TMEM140: variants seen among roughly 807,000 people sequenced by gnomAD.
TMEM140 encodes the protein transmembrane protein 140.
For missense variants in TMEM140, 236 were observed against 228.5 expected (o/e 1.03, Z -0.21); for synonymous variants, 107 against 106.8 (o/e 1.00, Z -0.01).
intron 1 of TMEM140, among the ~76,000 whole-genome samples, chr7:135,154,016 T>C (rs988797947): frequency 6.6e-6 from 1 of 152,190 alleles, no homozygotes; most frequent in Non-Finnish European, 1.5e-5. Flanking sequence ...CACTACTCAT[T>C]ATTGGTCTGT....
Position 135,164,865 on chromosome 7 carries a change from G to A in TMEM140, c.424G>A (p.Val142Ile), listed in dbSNP as rs1328107371. The change falls in exon 2 of 2, where the codon GTC becomes ATC. Residue 142 changes from valine to isoleucine, a missense_variant. Physicochemically the swap from Val to Ile is conservative, Grantham distance 29. Coordinates refer to ENST00000275767, the MANE Select transcript of TMEM140 (RefSeq NM_018295.5). The part of the protein sequence containing the change: ...GLFLSYVWKW[V>I]RLSLPGPGFL... ...CTTCCTCTCCTATGTGTGGAAGTGG[G>A]TCAGGCTCTCCCTCCCGGGGCCTGG... The A allele has an allele frequency of 6.2e-7, 1 of 1,614,202 alleles. No homozygotes were observed. The highest frequency in any genetic ancestry group is 1.7e-5 in the Admixed American group (1 of 60,028).
intron 1 of TMEM140, among the ~76,000 whole-genome samples, chr7:135,152,214 G>A (rs564153047): frequency 2.6e-4 from 40 of 152,364 alleles, no homozygotes; most frequent in Admixed American, 3.9e-4. Context: ...CTGGTGAATG[G>A]AAGAGCAGAG....
At chr7:135,156,686 T>C (rs1046596646) in intron 1 of TMEM140, among the ~76,000 whole-genome samples, 1 of 152,220 alleles carries the variant, frequency 6.6e-6, no homozygotes, top group Non-Finnish European at 1.5e-5. Context: ...AATCAATATT[T>C]TGAATTCTTT....
In TMEM140 at chr7:135,164,890, G is replaced by C. The variant is rs755249689; in HGVS notation, c.449G>C (p.Gly150Ala). ...KWVRLSLPGPGFLALGSAQAL... is the reference protein window; with the variant it reads ...KWVRLSLPGPAFLALGSAQAL... The stretch of plus-strand genomic sequence containing the variant: ...GTCAGGCTCTCCCTCCCGGGGCCTG[G>C]GTTTCTAGCTCTGGGCAGCGCCCAG... The change falls in exon 2 of 2, where the codon GGG (glycine) becomes GCG (alanine). Residue 150 changes from glycine to alanine, a missense_variant. Gly to Ala is a moderately conservative substitution (Grantham distance 60). Coordinates refer to ENST00000275767, the MANE Select transcript of TMEM140 (RefSeq NM_018295.5). 13 of 1,614,110 alleles carry C rather than the reference G, an allele frequency of 8.1e-6. No homozygotes were observed. Among genetic ancestry groups the C allele is most frequent in the Non-Finnish European group, 1.0e-5 (12 of 1,180,044 alleles).
Position 135,165,838 on chromosome 7 carries a change from G to A in TMEM140, c.*839G>A, listed in dbSNP as rs545228341. The A allele has an allele frequency of 6.0e-6, 1 of 167,264 alleles. No individual in the cohort carries two copies. Among genetic ancestry groups the A allele is most frequent in the South Asian group, 2.1e-4 (1 of 4,834 alleles). 10.4% of individuals were successfully genotyped at this position (167,264 alleles called of 1,614,324 possible). A position where few individuals can be genotyped will look rare whatever the true frequency, so the allele number is the denominator to read the frequency against. On this transcript the variant is annotated 3_prime_UTR_variant, in exon 2 of 2. Transcript: ENST00000275767. ...ACTTGTGTATTGGAAAACCTGTATG[G>A]CAGTGATTTATTCATATATTCCTGT...
Position 135,161,656 on chromosome 7 carries a change from G to A in TMEM140, c.-24-2762G>A, listed in dbSNP as rs1398291812. On this transcript the variant is annotated intron_variant, in intron 1 of 1. Transcript: ENST00000275767. The surrounding 1 kb of genome is among the most constrained non-coding windows in gnomAD (Gnocchi z 4.1). ...ATGGTTAAAACTCCTTATCATCCCA[G>A]ACTAATGCCACCTTTTCAATTCCCA... is the stretch of plus-strand genomic sequence containing the variant. 6.6e-6 allele frequency among the ~76,000 whole-genome samples: 1 copy of A among 152,170 alleles called. No individual in the cohort carries two copies. Among genetic ancestry groups the A allele is most frequent in the Non-Finnish European group, 1.5e-5 (1 of 68,022 alleles).
intron 1 of TMEM140, among the ~76,000 whole-genome samples, chr7:135,156,513 T>C (rs1000510741): frequency 6.6e-6 from 1 of 152,026 alleles, no homozygotes; most frequent in South Asian, 2.1e-4. Flanking sequence ...TTTGAGCATA[T>C]GGTGTATTTC....
chr7:135,162,271 C>T (rs1194011976), intron 1 of TMEM140, among the ~76,000 whole-genome samples: 1 of 152,176 alleles, frequency 6.6e-6, no homozygotes, highest in Non-Finnish European at 1.5e-5. Flanking sequence ...AGGTCCCTTC[C>T]CAGGGCCACG....
In TMEM140 at chr7:135,164,551, G is replaced by T. The variant is rs144887157; in HGVS notation, c.110G>T (p.Gly37Val). Reference protein sequence around the residue: ...LMFYALLWEAGNLTDLPNLRI... With the variant: ...LMFYALLWEAVNLTDLPNLRI... ...TTTTACGCTCTTCTCTGGGAGGCTG[G>T]CAACCTCACTGACCTGCCCAACCTG... Residue 37 changes from glycine (G) to valine (V), a missense_variant, in exon 2 of 2, where the codon GGC (glycine) becomes GTC (valine). Physicochemically the swap from Gly to Val is moderately radical, Grantham distance 109 (BLOSUM62 -3). Transcript: ENST00000275767. 63 of 1,614,186 alleles carry T rather than the reference G, an allele frequency of 3.9e-5. No individual in the cohort carries two copies. The African/African-American group carries it at 7.9e-4, about 20-fold the overall frequency.
At chr7:135,156,773 T>G (rs879880811) in intron 1 of TMEM140, among the ~76,000 whole-genome samples, 1 of 152,216 alleles carries the variant, frequency 6.6e-6, no homozygotes, top group African/African-American at 2.4e-5. Flanking sequence ...TGATGATTGT[T>G]ACGGTTTGAC....
chr7:135,155,752 G>A (rs1324434977), intron 1 of TMEM140, among the ~76,000 whole-genome samples: 2 of 152,232 alleles, frequency 1.3e-5, no homozygotes, highest in East Asian at 1.9e-4. Context: ...TCAAAAGGCT[G>A]AGGCAGGAAG....
At chr7:135,163,284 G>C (rs142971913) in intron 1 of TMEM140, among the ~76,000 whole-genome samples, 8 of 152,172 alleles carry the variant, frequency 5.3e-5, no homozygotes, top group Admixed American at 2.6e-4. Context: ...AATATTGGTA[G>C]AATATTAACA....
intron 1 of TMEM140, among the ~76,000 whole-genome samples, chr7:135,152,119 A>G (rs1231452241): frequency 1.3e-5 from 2 of 152,236 alleles, no homozygotes; most frequent in Non-Finnish European, 2.9e-5. Context: ...TTTCCATAAC[A>G]TCTACAAAAT....
chr7:135,157,725 C>CT (rs1396884678), intron 1 of TMEM140, among the ~76,000 whole-genome samples: 2 of 152,190 alleles, frequency 1.3e-5, no homozygotes, highest in African/African-American at 4.8e-5. Flanking sequence ...GTTGGGTGAG[C>CT]TACTCCCCAG....
At chr7:135,162,648 G>C (rs553353416) in intron 1 of TMEM140, among the ~76,000 whole-genome samples, 2 of 152,302 alleles carry the variant, frequency 1.3e-5, no homozygotes, top group Admixed American at 6.5e-5. Context: ...CATGAGTACA[G>C]TATGGGGGAA....
chr7:135,159,425 C>T (rs1156865233), intron 1 of TMEM140, among the ~76,000 whole-genome samples: 9 of 152,124 alleles, frequency 5.9e-5, no homozygotes, highest in Non-Finnish European at 1.5e-5. Flanking sequence ...GTGCTTAAAC[C>T]AACAAAAAAG....
In TMEM140 at chr7:135,165,724, C is replaced by CA. The variant is rs1252869015; in HGVS notation, c.*728dup. 1 of 167,138 alleles carries CA rather than the reference C, an allele frequency of 6.0e-6. No homozygotes were observed. The highest frequency in any genetic ancestry group is 1.5e-5 in the Non-Finnish European group (1 of 68,142). The allele number at this position is 167,138 out of a possible 1,614,324, so 10.4% of individuals were successfully genotyped here. A position where few individuals can be genotyped will look rare whatever the true frequency, so the allele number is the denominator to read the frequency against. On this transcript the variant is annotated 3_prime_UTR_variant, in exon 2 of 2. Coordinates refer to ENST00000275767, the MANE Select transcript of TMEM140 (RefSeq NM_018295.5). ...ACAGGACTGGACGGCTGCACACAAA[C>CA]AAACGCTGCCACCCTCCACTTCCCA...
chr7:135,160,850 C>CCA (rs1432668449), intron 1 of TMEM140, among the ~76,000 whole-genome samples: 2 of 152,174 alleles, frequency 1.3e-5, no homozygotes, highest in African/African-American at 4.8e-5. Context: ...TATAGCTAAA[C>CCA]CAGAGTGTGG....
Position 135,165,049 on chromosome 7 carries a change from A to C in TMEM140, c.*50A>C, listed in dbSNP as rs1307282592. 1.3e-6 allele frequency: 2 copies of C among 1,509,000 alleles called. No homozygotes were observed. The allele number at this position is 1,509,000 out of a possible 1,614,324, so 93.5% of individuals were successfully genotyped here. On this transcript the variant is annotated 3_prime_UTR_variant, in exon 2 of 2. Coordinates refer to ENST00000275767, the MANE Select transcript of TMEM140 (RefSeq NM_018295.5). The stretch of plus-strand genomic sequence containing the variant: ...AGTTCCAACCATGGTCAGAGGTGGC[A>C]CATCTGCTCAGCCATCTCATTTTAC...
Sources: allele counts gnomAD v4.1 joint callset (sites outside exome capture counted in the v4.1 genomes callset), GRCh38; gene constraint gnomAD v4.1.1; non-coding constraint Gnocchi (gnomAD v3.1); transcripts MANE v1.5; gene names NCBI Gene and HGNC (gene_info 2026-07-23, HGNC 2026-07-21).